Variants in PARD3 observed in about 807,000 individuals in gnomAD.
PARD3 encodes the protein par-3 family cell polarity regulator.
In PARD3, 75 loss-of-function variants were observed where a neutral mutation model predicts 155.4. That is an observed-to-expected ratio of 0.48 (90% CI 0.40 to 0.58). PARD3 has a LOEUF of 0.58. Among genes scored for constraint, PARD3 ranks in the 20% least tolerant of loss-of-function variants. PARD3 has a pLI of 0.00. For missense variants in PARD3, 1,642 were observed against 1,721.7 expected (o/e 0.95, Z 0.82); for synonymous variants, 576 against 610.5 (o/e 0.94, Z 0.83).
intron 2 of PARD3, among the ~76,000 whole-genome samples, chr10:34,600,025 G>A (rs1004610198): frequency 4.6e-5 from 7 of 151,730 alleles, no homozygotes; most frequent in East Asian, 3.9e-4. Flanking sequence ...CCTACCCAGC[G>A]GAACAAGAAA....
At chr10:34,727,918 C>G (rs1276229129) in intron 1 of PARD3, among the ~76,000 whole-genome samples, 1 of 148,804 alleles carries the variant, frequency 6.7e-6, no homozygotes, top group Non-Finnish European at 1.5e-5. Context: ...CACTTCCATC[C>G]AACCCCTCCA....
chr10:34,247,412 G>A (rs2133706535), intron 22 of PARD3, among the ~76,000 whole-genome samples: 1 of 152,194 alleles, frequency 6.6e-6, no homozygotes. Context: ...TGAGGCAGGA[G>A]AATTGCTTGA....
At chr10:34,728,975 T>C (rs549413353) in intron 1 of PARD3, among the ~76,000 whole-genome samples, 24 of 152,300 alleles carry the variant, frequency 1.6e-4, no homozygotes, top group African/African-American at 5.3e-4. Flanking sequence ...GAAACACAAC[T>C]ATGTACCACT....
chr10:34,296,613 C>T (rs777164565), intron 20 of PARD3, among the ~76,000 whole-genome samples: 6 of 152,082 alleles, frequency 3.9e-5, no homozygotes, highest in African/African-American at 1.2e-4. Flanking sequence ...CTATAAAATA[C>T]GTGGATGTGG....
intron 22 of PARD3, among the ~76,000 whole-genome samples, chr10:34,132,607 C>G (rs139026057): frequency 1.5e-3 from 232 of 152,282 alleles, no homozygotes; most frequent in African/African-American, 5.4e-3. Flanking sequence ...TCATAAATCT[C>G]ACAGCACTTT....
At chr10:34,285,015 T>C (rs1030112522) in intron 20 of PARD3, among the ~76,000 whole-genome samples, 3 of 152,222 alleles carry the variant, frequency 2.0e-5, no homozygotes, top group Non-Finnish European at 2.9e-5. Flanking sequence ...ATATCCCAGT[T>C]TGATACTCAA....
intron 1 of PARD3, among the ~76,000 whole-genome samples, chr10:34,755,568 G>A (rs1418531472): frequency 2.6e-5 from 4 of 152,148 alleles, no homozygotes; most frequent in Non-Finnish European, 4.4e-5. Flanking sequence ...CTAGGATCTG[G>A]ATCTGCTTGT....
chr10:34,343,687 T>C (rs2134329574), intron 15 of PARD3: 2 of 984,690 alleles, frequency 2.0e-6, no homozygotes, highest in Non-Finnish European at 2.4e-6. Context: ...GACAATACAA[T>C]GATCCCTTAA....
intron 1 of PARD3, among the ~76,000 whole-genome samples, chr10:34,760,563 C>G (rs1468960727): frequency 6.6e-6 from 1 of 152,138 alleles, no homozygotes; most frequent in African/African-American, 2.4e-5. Context: ...AACTCCTGAC[C>G]TCAAGTGATC....
At chr10:34,465,889 A>G (rs563996340) in intron 4 of PARD3, among the ~76,000 whole-genome samples, 202 of 152,244 alleles carry the variant, frequency 1.3e-3, no homozygotes, top group Non-Finnish European at 2.0e-3. Flanking sequence ...GATAAATCAC[A>G]TGCTCTCCAC....
chr10:34,127,027 T>A (rs974732619), intron 23 of PARD3, among the ~76,000 whole-genome samples: 3 of 152,230 alleles, frequency 2.0e-5, no homozygotes, highest in Non-Finnish European at 4.4e-5. Context: ...AGTTTCCAAA[T>A]GTACAAGATT....
At chr10:34,411,237 C>A (rs1171921844) in intron 5 of PARD3, among the ~76,000 whole-genome samples, 1 of 152,116 alleles carries the variant, frequency 6.6e-6, no homozygotes, top group Non-Finnish European at 1.5e-5. Flanking sequence ...AGTCTTGCTG[C>A]CATTCTAGCT....
intron 3 of PARD3, among the ~76,000 whole-genome samples, chr10:34,478,535 G>GA (rs1242487385): frequency 1.3e-5 from 2 of 152,118 alleles, no homozygotes; most frequent in Admixed American, 6.5e-5. Context: ...AAGTCAAGGG[G>GA]AAAAAAACAT....
chr10:34,608,343 C>A (rs181298845), intron 2 of PARD3, among the ~76,000 whole-genome samples: 1 of 151,988 alleles, frequency 6.6e-6, no homozygotes, highest in South Asian at 2.1e-4. Flanking sequence ...ATAATACAAA[C>A]GTTGGGAAAG....
intron 1 of PARD3, among the ~76,000 whole-genome samples, chr10:34,706,879 A>G (rs1404620858): frequency 1.3e-5 from 2 of 152,104 alleles, no homozygotes; most frequent in Non-Finnish European, 2.9e-5. Context: ...AGGGTGGGGC[A>G]GGAGGATCAT....
chr10:34,739,392 G>A (rs1051657581), intron 1 of PARD3, among the ~76,000 whole-genome samples: 1 of 152,288 alleles, frequency 6.6e-6, no homozygotes, highest in Admixed American at 6.5e-5. Context: ...GCACCAGAGG[G>A]CTGTTCAAGA....
intron 2 of PARD3, among the ~76,000 whole-genome samples, chr10:34,604,912 AT>A (rs918104760): frequency 3.6e-4 from 54 of 151,912 alleles, no homozygotes; most frequent in African/African-American, 1.3e-3. Context: ...TTCAAAAAAA[AT>A]CTCAATGTTA....
At chr10:34,199,482 G>A (rs749465536) in intron 22 of PARD3, among the ~76,000 whole-genome samples, 7 of 152,100 alleles carry the variant, frequency 4.6e-5, no homozygotes, top group Non-Finnish European at 8.8e-5. Context: ...GTCAGTGAAG[G>A]CAGAGCTCAG....
At chr10:34,432,151 C>A (rs543495217) in intron 5 of PARD3, among the ~76,000 whole-genome samples, 1 of 148,718 alleles carries the variant, frequency 6.7e-6, no homozygotes, top group East Asian at 2.0e-4. Flanking sequence ...GTTTTGCATG[C>A]TTTTAAACTT....
Sources: gnomAD v4.1 joint callset for allele counts (sites outside exome capture counted in the v4.1 genomes callset) on GRCh38, gnomAD v4.1.1 for gene constraint, MANE v1.5 for transcripts, NCBI Gene and HGNC (gene_info 2026-07-23, HGNC 2026-07-21) for gene names.